LPP: variants seen among roughly 807,000 people sequenced by gnomAD.
The protein encoded by LPP is LIM domain containing preferred translocation partner in lipoma.
A neutral mutation model predicts 60.4 loss-of-function variants in LPP; 38 were observed. The ratio of observed to expected loss-of-function variants is 0.63; its 90% confidence interval spans 0.49 to 0.83. The LOEUF (loss-of-function observed/expected upper bound fraction) is 0.83, where lower values mean the gene tolerates loss of function less well. Among genes scored for constraint, LPP ranks in the 40% least tolerant of loss-of-function variants. LPP has a pLI of 0.00. For missense variants in LPP, 902 were observed against 783.6 expected, an observed-to-expected ratio of 1.15 and a Z score of -1.80; for synonymous variants, 328 against 290.8, an observed-to-expected ratio of 1.13 and a Z score of -1.30.
At chr3:188,170,156 C>T (rs1226148386) in intron 1 of LPP, among the ~76,000 whole-genome samples, 2 of 152,102 alleles carry the variant, frequency 1.3e-5, no homozygotes, top group South Asian at 2.1e-4. Flanking sequence ...AATTTTTTGG[C>T]GCAGAACTTT....
At chr3:188,176,545 TG>T (rs1723090324) in intron 1 of LPP, among the ~76,000 whole-genome samples, 1 of 152,066 alleles carries the variant, frequency 6.6e-6, no homozygotes, top group Non-Finnish European at 1.5e-5. Flanking sequence ...TTGCCTGATC[TG>T]GCCACAAACT....
chr3:188,279,228 A>G (rs1331912353), intron 2 of LPP, among the ~76,000 whole-genome samples: 2 of 152,220 alleles, frequency 1.3e-5, no homozygotes, highest in African/African-American at 4.8e-5. Context: ...GCCATTATCC[A>G]AAGAGCTGGA....
chr3:188,227,155 T>G (rs995352536), intron 2 of LPP, among the ~76,000 whole-genome samples: 1 of 151,834 alleles, frequency 6.6e-6, no homozygotes, highest in Non-Finnish European at 1.5e-5. Context: ...TGGAAGAGAC[T>G]TTTATTTATT....
rs988556794 is a variant in LPP at position 188,883,334 on chromosome 3, G to A, written c.*8855G>A. 4.6e-6 allele frequency: 1 copy of A among 215,402 alleles called. No homozygotes were observed. The highest frequency in any genetic ancestry group is 5.8e-5 in the Admixed American group (1 of 17,110). The allele number at this position is 215,402 out of a possible 1,614,324, so 13.3% of individuals were successfully genotyped here. ...GCTGGTTGTACTTTCCTATTTAGAA[G>A]ACAGACCGTTCTGACAGTTGTTGTG... On this transcript the variant is annotated 3_prime_UTR_variant, in exon 12 of 12. Transcript: ENST00000617246.
chr3:188,791,890 G>T (rs1450490190), intron 9 of LPP, among the ~76,000 whole-genome samples: 1 of 152,144 alleles, frequency 6.6e-6, no homozygotes, highest in Non-Finnish European at 1.5e-5. Flanking sequence ...GACAGGGAAA[G>T]TTTCTGTCCC....
intron 7 of LPP, among the ~76,000 whole-genome samples, chr3:188,637,713 C>G (rs1410629252): frequency 6.6e-6 from 1 of 152,090 alleles, no homozygotes; most frequent in South Asian, 2.1e-4. Flanking sequence ...ATACAAACTA[C>G]CATCAGAGAA....
At chr3:188,360,788 C>G (rs1309674238) in intron 3 of LPP, among the ~76,000 whole-genome samples, 2 of 152,162 alleles carry the variant, frequency 1.3e-5, no homozygotes, top group Non-Finnish European at 2.9e-5. Flanking sequence ...GAAAAGTTCT[C>G]GAATCCTGAA....
chr3:188,637,780 C>T lies in LPP; in HGVS notation c.1113+27936C>T, dbSNP rs183622324. Among the ~76,000 whole-genome samples, 439 of 152,316 alleles carry T rather than the reference C, an allele frequency of 2.9e-3. 4 individuals are homozygous for T. Among genetic ancestry groups the T allele is most frequent in the African/African-American group, 0.01 (420 of 41,556 alleles). The stretch of plus-strand genomic sequence containing the variant: ...AAAATCTAGAAGAAATGGATAAATT[C>T]CTTGATACGTACATGCTCCCAAGAC... On this transcript the variant is annotated intron_variant, in intron 7 of 11. Transcript: ENST00000617246.
chr3:188,221,363 G>T (rs945838452), intron 1 of LPP, among the ~76,000 whole-genome samples: 1 of 152,152 alleles, frequency 6.6e-6, no homozygotes, highest in Non-Finnish European at 1.5e-5. Context: ...TCTGTCTTTT[G>T]TGTTCCAGTG....
chr3:188,178,008 G>A (rs1353100427), intron 1 of LPP, among the ~76,000 whole-genome samples: 1 of 152,212 alleles, frequency 6.6e-6, no homozygotes, highest in Admixed American at 6.5e-5. Context: ...TTTTGGCAAA[G>A]GCATACTTGG....
chr3:188,228,223 A>C (rs1032291994), intron 2 of LPP, among the ~76,000 whole-genome samples: 1 of 152,324 alleles, frequency 6.6e-6, no homozygotes, highest in East Asian at 1.9e-4. Flanking sequence ...AGATTCTGGG[A>C]CACACGTGCT....
chr3:188,822,207 A>T (rs1432865688), intron 9 of LPP, among the ~76,000 whole-genome samples: 1 of 152,152 alleles, frequency 6.6e-6, no homozygotes, highest in Non-Finnish European at 1.5e-5. Context: ...GGAGGTCATT[A>T]AATGATGACG....
chr3:188,636,344 C>CCGA (rs1338846562), intron 7 of LPP, among the ~76,000 whole-genome samples: 1 of 152,208 alleles, frequency 6.6e-6, no homozygotes, highest in Non-Finnish European at 1.5e-5. Flanking sequence ...CTGCGCTTTT[C>CCGA]CGACGGGCTT....
chr3:188,874,330 C>T (rs1458406574), intron 11 of LPP, 21 bp from the exon 12 acceptor site: 2 of 1,598,586 alleles, frequency 1.3e-6, no homozygotes, highest in Non-Finnish European at 1.7e-6. Context: ...ATGTCGTTTC[C>T]ATCTGTCTTT....
intron 9 of LPP, among the ~76,000 whole-genome samples, chr3:188,804,274 TATATATATAA>T (rs1748360746): frequency 8.0e-6 from 1 of 125,100 alleles, no homozygotes; most frequent in African/African-American, 3.0e-5. Flanking sequence ...TATATATATA[TATATATATAA>T]AATGGAATAC....
In LPP at chr3:188,610,500, G is replaced by C. The variant is rs773317395; in HGVS notation, c.1113+656G>C. 6.6e-6 allele frequency among the ~76,000 whole-genome samples: 1 copy of C among 152,192 alleles called. No homozygotes were observed. ...GGCTGCAGTATAATGCAGCTTGTTT[G>C]TGACCCCTTGTTTATTCATTTTACT... On this transcript the variant is annotated intron_variant, in intron 7 of 11. Transcript: ENST00000617246. The surrounding 1 kb of genome is among the most constrained non-coding windows in gnomAD (Gnocchi z 4.4).
chr3:188,522,879 C>CATATATATGTGT (rs10629624), intron 5 of LPP, among the ~76,000 whole-genome samples: 2 of 139,658 alleles, frequency 1.4e-5, no homozygotes, highest in African/African-American at 5.2e-5. Flanking sequence ...ATGTTTGAGA[C>CATATATATGTGT]ATATATGTGT....
intron 4 of LPP, among the ~76,000 whole-genome samples, chr3:188,416,617 G>A (rs1786341669): frequency 6.6e-6 from 1 of 152,124 alleles, no homozygotes; most frequent in Admixed American, 6.6e-5. Context: ...TGTGAACATT[G>A]TACAGATTCA....
At chr3:188,240,117 G>C (rs2149439964) in intron 2 of LPP, 1 of 192,994 alleles carries the variant, frequency 5.2e-6, no homozygotes, top group East Asian at 8.1e-5. Flanking sequence ...CTGTGACCTG[G>C]GATGATGGAG....
Sources: gnomAD v4.1 joint callset for allele counts (sites outside exome capture counted in the v4.1 genomes callset) on GRCh38, gnomAD v4.1.1 for gene constraint, Gnocchi (gnomAD v3.1) non-coding constraint, MANE v1.5 for transcripts, NCBI Gene and HGNC (gene_info 2026-07-23, HGNC 2026-07-21) for gene names.